MAP1B: variants seen among roughly 807,000 people sequenced by gnomAD.
The protein encoded by MAP1B is microtubule-associated protein 1B.
A neutral mutation model predicts 176.1 loss-of-function variants in MAP1B; 12 were observed. That is an observed-to-expected ratio of 0.07 (90% CI 0.04 to 0.11). The LOEUF is 0.11. MAP1B is among the 10% of genes least tolerant of loss of function. The pLI, the probability that MAP1B is intolerant of heterozygous loss-of-function variation, is 1.00. For missense variants in MAP1B, 2,523 were observed against 2,990.5 expected (o/e 0.84, Z 3.65); for synonymous variants, 1,044 against 1,135.0 (o/e 0.92, Z 1.61).
intron 5 of MAP1B, among the ~76,000 whole-genome samples, chr5:72,200,806 G>T (rs1747318609): frequency 6.6e-6 from 1 of 152,110 alleles, no homozygotes; most frequent in Non-Finnish European, 1.5e-5. Flanking sequence ...AACCAGTCTA[G>T]ACCCAAGATT....
rs998134723 is a variant in MAP1B, at chr5:72,206,711, G to A, written c.*1472G>A. 2.0e-5 allele frequency: 3 copies of A among 151,608 alleles called. No individual in the cohort carries two copies. Among genetic ancestry groups the A allele is most frequent in the Non-Finnish European group, 4.4e-5 (3 of 67,946 alleles). The allele number at this position is 151,608 out of a possible 1,614,324, so 9.4% of individuals were successfully genotyped here. A position where few individuals can be genotyped will look rare whatever the true frequency, so the allele number is the denominator to read the frequency against. On this transcript the variant is annotated 3_prime_UTR_variant, in exon 7 of 7. Coordinates refer to ENST00000296755, the MANE Select transcript of MAP1B (RefSeq NM_005909.5). ...CTCAAGTGATAGTCTTTTTTTTTAA[G>A]TGTTTCGTAAGACAAAAATTGAATA... is the stretch of plus-strand genomic sequence containing the variant.
At position 72,132,992 on chromosome 5, in the gene MAP1B, G is replaced by T. The variant is rs190379841; in HGVS notation, c.286+17193G>T. 6.6e-5 allele frequency among the ~76,000 whole-genome samples: 10 copies of T among 152,194 alleles called. No homozygotes were observed. The East Asian group carries it at 1.9e-3, about 29-fold the overall frequency. ...CTCCTTAGCAAGGCTGCCCACTTGG[G>T]AGCTGGCAATTTTACCCGCTCATCT... On this transcript the variant is annotated intron_variant, in intron 2 of 6. Coordinates refer to ENST00000296755, the MANE Select transcript of MAP1B (RefSeq NM_005909.5).
Position 72,150,716 on chromosome 5 carries a change from T to A in MAP1B, c.287-33027T>A, listed in dbSNP as rs539003946. On this transcript the variant is annotated intron_variant, in intron 2 of 6. Transcript: ENST00000296755. ...CCCTCGATGTGTCCATGTATTTTCA[T>A]CATTTAGCTCCCACTTGTAAGTGAG... is the stretch of plus-strand genomic sequence containing the variant. Among the ~76,000 whole-genome samples, 6 of 152,328 alleles carry A rather than the reference T, an allele frequency of 3.9e-5. No homozygotes were observed. In the South Asian group the frequency reaches 1.2e-3, roughly 32 times the overall value.
In MAP1B at chr5:72,184,532, GTTA is replaced by G. The variant is rs773103585; in HGVS notation, c.369+714_369+716del. Among the ~76,000 whole-genome samples the G allele has an allele frequency of 9.2e-5, 14 of 152,226 alleles. 1 individual carries two copies. Among genetic ancestry groups the G allele is most frequent in the Non-Finnish European group, 1.6e-4 (11 of 68,044 alleles). On this transcript the variant is annotated intron_variant, in intron 3 of 6. Coordinates refer to ENST00000296755, the MANE Select transcript of MAP1B (RefSeq NM_005909.5). ...TGAAATGTAAATATTAGCTGTGATT[GTTA>G]TTATTACCACCATATGAAACTGTTG... is the stretch of plus-strand genomic sequence containing the variant.
At chr5:72,125,155 G>A (rs544786268) in intron 2 of MAP1B, among the ~76,000 whole-genome samples, 7 of 152,290 alleles carry the variant, frequency 4.6e-5, no homozygotes, top group African/African-American at 7.2e-5. Flanking sequence ...GGATGATGTA[G>A]CAACCGCTTT....
chr5:72,125,468 A>G (rs531689026), intron 2 of MAP1B, among the ~76,000 whole-genome samples: 3 of 152,280 alleles, frequency 2.0e-5, no homozygotes, highest in South Asian at 4.1e-4. Context: ...CCAATCTGTC[A>G]TTAAATATTT....
At position 72,199,088 on chromosome 5, in the gene MAP1B, A is replaced by G. The variant is rs1747259126; in HGVS notation, c.5733A>G (p.Arg1911=). 1 of 1,614,130 alleles carries G rather than the reference A, an allele frequency of 6.2e-7. No individual in the cohort carries two copies. The highest frequency in any genetic ancestry group is 8.5e-7 in the Non-Finnish European group (1 of 1,180,018). The change falls in exon 5 of 7, where the codon AGA becomes AGG. Residue 1911 remains arginine (R), a synonymous_variant. Coordinates refer to ENST00000296755, the MANE Select transcript of MAP1B (RefSeq NM_005909.5). This position sits in a 1 kb window ranked among gnomAD's most constrained non-coding sequence, Gnocchi z 4.2. ...GCTATTACTATGAGAAGATAGAGAG[A>G]ACCACAAAATCTCCAAGTGACAGTG... The part of the protein sequence containing the change: ...VGGYYYEKIE[R]TTKSPSDSGY...
chr5:72,130,553 T>C (rs1251630081), intron 2 of MAP1B, among the ~76,000 whole-genome samples: 2 of 152,258 alleles, frequency 1.3e-5, no homozygotes, highest in Non-Finnish European at 2.9e-5. Flanking sequence ...AATTTCTTTG[T>C]TGCAGATTTC....
intron 2 of MAP1B, among the ~76,000 whole-genome samples, chr5:72,149,445 T>C (rs371304416): frequency 1.3e-5 from 2 of 152,258 alleles, no homozygotes; most frequent in East Asian, 1.9e-4. Context: ...TTTCACTGTA[T>C]GGTCTCATCA....
At chr5:72,178,674 C>T (rs1746700059) in intron 2 of MAP1B, among the ~76,000 whole-genome samples, 1 of 151,410 alleles carries the variant, frequency 6.6e-6, no homozygotes, top group Admixed American at 6.6e-5. Context: ...CTTTATTCTT[C>T]AACTACCATT....
intron 2 of MAP1B, among the ~76,000 whole-genome samples, chr5:72,178,187 G>C (rs1005464231): frequency 6.6e-6 from 1 of 152,060 alleles, no homozygotes; most frequent in East Asian, 1.9e-4. Flanking sequence ...GTTTTTAGTA[G>C]AGACAGCGTT....
rs188682872 is a variant in MAP1B, at chr5:72,209,499, T to C, written c.*4260T>C. 3.9e-5 allele frequency: 6 copies of C among 152,142 alleles called. No individual in the cohort carries two copies. The highest frequency in any genetic ancestry group is 1.9e-4 in the East Asian group (1 of 5,174). 9.4% of individuals were successfully genotyped at this position (152,142 alleles called of 1,614,324 possible). On this transcript the variant is annotated 3_prime_UTR_variant, in exon 7 of 7. Transcript: ENST00000296755. Reference sequence around the variant, plus strand: ...TTTGTGTGCAATATCCCCTCTTCCATTGAGGATATTTGATGTAAAGGAAAA... The same window carrying C: ...TTTGTGTGCAATATCCCCTCTTCCACTGAGGATATTTGATGTAAAGGAAAA...
intron 2 of MAP1B, among the ~76,000 whole-genome samples, chr5:72,120,700 A>G (rs1002994283): frequency 9.2e-5 from 14 of 152,210 alleles, no homozygotes; most frequent in Admixed American, 7.8e-4. Flanking sequence ...CACTGGGATT[A>G]CAGGCGTGAG....
chr5:72,171,815 C>T (rs991045642), intron 2 of MAP1B, among the ~76,000 whole-genome samples: 9 of 152,100 alleles, frequency 5.9e-5, no homozygotes, highest in East Asian at 5.8e-4. Context: ...CACTGGGAAC[C>T]GGGTGTGCTG....
intron 2 of MAP1B, 56 bp downstream of exon 2, chr5:72,115,855 C>T: frequency 2.4e-6 from 3 of 1,268,016 alleles, no homozygotes; most frequent in Non-Finnish European, 3.5e-6. Flanking sequence ...AAGGAGCAAG[C>T]TAGAAAGCTT....
At chr5:72,203,272 C>T (rs576735822) in intron 5 of MAP1B, among the ~76,000 whole-genome samples, 12 of 152,266 alleles carry the variant, frequency 7.9e-5, no homozygotes, top group African/African-American at 2.6e-4. Context: ...TTGGGAAAGG[C>T]CTTCAAACTC....
At chr5:72,135,409 T>TTC (rs367588904) in intron 2 of MAP1B, among the ~76,000 whole-genome samples, 3 of 151,966 alleles carry the variant, frequency 2.0e-5, no homozygotes, top group African/African-American at 7.2e-5. Context: ...TTTTCTTTTT[T>TTC]TCTCTCTCTC....
intron 2 of MAP1B, chr5:72,179,750 C>G (rs980468563): frequency 4.1e-6 from 4 of 985,476 alleles, no homozygotes; most frequent in East Asian, 1.1e-4. Context: ...TCATTCAAAT[C>G]CGATCCTATA....
chr5:72,155,825 G>T (rs1561300536), intron 2 of MAP1B, among the ~76,000 whole-genome samples: 2 of 145,664 alleles, frequency 1.4e-5, no homozygotes, highest in Admixed American at 1.4e-4. Flanking sequence ...GGAGTACAGT[G>T]GCGCAATCTC....
Sources: allele counts gnomAD v4.1 joint callset (sites outside exome capture counted in the v4.1 genomes callset), GRCh38; gene constraint gnomAD v4.1.1; non-coding constraint Gnocchi (gnomAD v3.1); transcripts MANE v1.5; gene names NCBI Gene and HGNC (gene_info 2026-07-23, HGNC 2026-07-21).